Variants in FMNL2 observed in about 807,000 individuals in gnomAD.
FMNL2 encodes formin-like protein 2.
A neutral mutation model predicts 130.2 loss-of-function variants in FMNL2; 51 were observed. That is an observed-to-expected ratio of 0.39 (90% CI 0.31 to 0.49). The LOEUF (loss-of-function observed/expected upper bound fraction) is 0.49, where lower values mean the gene tolerates loss of function less well. FMNL2 is among the 20% of genes least tolerant of loss of function. The probability of loss-of-function intolerance (pLI) is 0.85; values close to 1 mark genes in which losing one functional copy is unlikely to be tolerated. For synonymous variants in FMNL2, 465 were observed against 467.1 expected, an observed-to-expected ratio of 1.00 and a Z score of 0.06; for missense variants, 977 against 1,316.2, an observed-to-expected ratio of 0.74 and a Z score of 3.99.
At chr2:152,461,323 T>C (rs1284469382) in intron 1 of FMNL2, among the ~76,000 whole-genome samples, 1 of 151,526 alleles carries the variant, frequency 6.6e-6, no homozygotes, top group Non-Finnish European at 1.5e-5. Context: ...TTCCAACATG[T>C]AATCAATATA....
In FMNL2 at chr2:152,647,829, C is replaced by T. The variant is rs1028884255; in HGVS notation, c.3203C>T (p.Ala1068Val). 4.3e-6 allele frequency: 7 copies of T among 1,613,756 alleles called. No homozygotes were observed. Among genetic ancestry groups the T allele is most frequent in the African/African-American group, 2.7e-5 (2 of 74,908 alleles). ...AACCAACCATACAGACGAGCCGATG[C>T]GGTGAGGAGAAGCGTCAGGCGGCGC... The part of the protein sequence containing the change: ...LRNQPYRRAD[A>V]VRRSVRRRFD... Residue 1068 changes from alanine to valine, a missense_variant, in exon 26 of 26, where the codon GCG becomes GTG. Ala to Val is a moderately conservative substitution (Grantham distance 64). This residue lies in a region of FMNL2 where 168 missense variants were observed against 168.8 expected (regional missense o/e 1.00). Coordinates refer to ENST00000288670, the MANE Select transcript of FMNL2 (RefSeq NM_052905.4).
chr2:152,562,947 C>G (rs966790638), intron 6 of FMNL2, among the ~76,000 whole-genome samples: 1 of 152,172 alleles, frequency 6.6e-6, no homozygotes. Context: ...AAGCTACCAC[C>G]TTAGTAAGGA....
chr2:152,508,974 A>C (rs75515530), intron 1 of FMNL2, among the ~76,000 whole-genome samples: 11,098 of 152,232 alleles, frequency 0.073, 648 homozygotes, highest in Admixed American at 0.21. Context: ...TTTGTCTGTA[A>C]ATGTAGGTGT....
In FMNL2 at chr2:152,618,898, A is replaced by G. The variant is rs1170165908; in HGVS notation, c.1367A>G (p.Lys456Arg). The stretch of plus-strand genomic sequence containing the variant: ...GTTCACACATTAAGAAAAATGGTCA[A>G]AGAAAAAGAAGAAGCAATTCAAAGA... ...TQVHTLRKMV[K>R]EKEEAIQRQS... is the part of the protein sequence containing the mutation. The change falls in exon 14 of 26, where the codon AAA becomes AGA. Residue 456 changes from lysine (K) to arginine (R), a missense_variant. Physicochemically the swap from Lys to Arg is conservative, Grantham distance 26 (BLOSUM62 2). Coordinates refer to ENST00000288670, the MANE Select transcript of FMNL2 (RefSeq NM_052905.4). 3 of 1,611,028 alleles carry G rather than the reference A, an allele frequency of 1.9e-6. No homozygotes were observed. The South Asian group carries it at 3.3e-5, about 18-fold the overall frequency.
chr2:152,485,215 G>A (rs181785548), intron 1 of FMNL2, among the ~76,000 whole-genome samples: 39 of 152,246 alleles, frequency 2.6e-4, no homozygotes, highest in Admixed American at 1.6e-3. Context: ...ATGCATGGCC[G>A]GGCACGGTGG....
At chr2:152,377,588 A>G (rs530950755) in intron 1 of FMNL2, among the ~76,000 whole-genome samples, 18 of 152,284 alleles carry the variant, frequency 1.2e-4, no homozygotes, top group African/African-American at 4.1e-4. Context: ...GCTAGTAGCT[A>G]CTCCATTGGA....
rs192291094 is a variant in FMNL2 at position 152,617,351 on chromosome 2, A to G, written c.1314+159A>G. Among the ~76,000 whole-genome samples, 38 of 152,364 alleles carry G rather than the reference A, an allele frequency of 2.5e-4. No individual in the cohort carries two copies. In the East Asian group the frequency reaches 7.1e-3, roughly 29 times the overall value. ...GGTGATGCTCAGTTGAAAACTACAC[A>G]TAGTCGGCGTTATGTATACACATGT... On this transcript the variant is annotated intron_variant, in intron 13 of 25. Transcript: ENST00000288670.
chr2:152,561,968 C>T (rs953683194), intron 6 of FMNL2, among the ~76,000 whole-genome samples: 5 of 152,134 alleles, frequency 3.3e-5, no homozygotes, highest in Admixed American at 6.5e-5. Flanking sequence ...TGGTGCTGAC[C>T]ACCTGTACTA....
intron 16 of FMNL2, 30 bp from the exon 17 acceptor site, chr2:152,626,495 A>G (rs547249466): frequency 6.7e-5 from 103 of 1,544,652 alleles, no homozygotes; most frequent in Non-Finnish European, 8.1e-5. Flanking sequence ...ATATAATCCA[A>G]TTTTCCATGG....
At position 152,643,738 on chromosome 2, in the gene FMNL2, A is replaced by T. The variant is rs1683301796; in HGVS notation, c.3169+2824A>T. ...ACATGTATGTATTCACATTGCTGTAACAGTCTGGGTGTGTTTGACAGCTGA... is the reference window on the plus strand; with the variant it reads ...ACATGTATGTATTCACATTGCTGTATCAGTCTGGGTGTGTTTGACAGCTGA... On this transcript the variant is annotated intron_variant, in intron 25 of 25. Coordinates refer to ENST00000288670, the MANE Select transcript of FMNL2 (RefSeq NM_052905.4). 31 of 985,336 alleles carry T rather than the reference A, an allele frequency of 3.1e-5. No homozygotes were observed. In the South Asian group the frequency reaches 1.4e-3, roughly 45 times the overall value. 61.0% of individuals were successfully genotyped at this position (985,336 alleles called of 1,614,324 possible).
At chr2:152,623,567 T>G (rs1034845693) in intron 15 of FMNL2, among the ~76,000 whole-genome samples, 8 of 152,140 alleles carry the variant, frequency 5.3e-5, no homozygotes, top group Admixed American at 3.9e-4. Flanking sequence ...ACTGTCTGTC[T>G]CAGTTAACGC....
chr2:152,559,015 A>G (rs777615343), intron 5 of FMNL2, among the ~76,000 whole-genome samples, 192 bp downstream of exon 5: 4 of 152,222 alleles, frequency 2.6e-5, no homozygotes, highest in Non-Finnish European at 5.9e-5. Flanking sequence ...TTAAGGCAGA[A>G]GTAAAACAGG....
chr2:152,375,871 C>CTATATATATA (rs1296121653), intron 1 of FMNL2, among the ~76,000 whole-genome samples: 16 of 114,596 alleles, frequency 1.4e-4, no homozygotes, highest in African/African-American at 2.9e-4. Flanking sequence ...CTCTCTCTCT[C>CTATATATATA]TCTCTCTATA....
chr2:152,557,077 AG>A (rs1695255269), intron 4 of FMNL2, among the ~76,000 whole-genome samples: 2 of 152,220 alleles, frequency 1.3e-5, no homozygotes, highest in Non-Finnish European at 2.9e-5. Flanking sequence ...GTTACAAAAA[AG>A]AAAAAATTCT....
At chr2:152,636,796 G>A (rs905677783) in intron 22 of FMNL2, among the ~76,000 whole-genome samples, 11 of 152,094 alleles carry the variant, frequency 7.2e-5, no homozygotes, top group African/African-American at 2.7e-4. Flanking sequence ...TTTCTAATCT[G>A]GGGCTCTTTA....
chr2:152,592,403 C>T (rs1367144171), intron 9 of FMNL2, among the ~76,000 whole-genome samples: 2 of 152,090 alleles, frequency 1.3e-5, no homozygotes, highest in East Asian at 1.9e-4. Context: ...AACATAAGCA[C>T]ATTTTTTATT....
intron 1 of FMNL2, among the ~76,000 whole-genome samples, chr2:152,499,122 A>G (rs113164571): frequency 1.3e-5 from 2 of 152,320 alleles, no homozygotes; most frequent in African/African-American, 4.8e-5. Context: ...TTGGTCAGCT[A>G]TGTTTTCTGT....
intron 1 of FMNL2, among the ~76,000 whole-genome samples, chr2:152,465,841 C>T (rs2105152012): frequency 6.6e-6 from 1 of 152,326 alleles, no homozygotes; most frequent in South Asian, 2.1e-4. Context: ...CCTAAAACTT[C>T]CTTTCTGTTT....
At chr2:152,593,860 AGTGTGTGTGTGTGTGTGTGTGTGT>A (rs70974873) in intron 9 of FMNL2, among the ~76,000 whole-genome samples, 1 of 113,294 alleles carries the variant, frequency 8.8e-6, no homozygotes. Context: ...AGAGAGAGAG[AGTGTGTGTGTGTGTGTGTGTGTGT>A]GTGTGTGTGT....
Sources: gnomAD v4.1 joint callset for allele counts (sites outside exome capture counted in the v4.1 genomes callset) on GRCh38, gnomAD v4.1.1 for gene constraint, gnomAD v4.1.1 regional missense constraint, MANE v1.5 for transcripts, NCBI Gene and HGNC (gene_info 2026-07-23, HGNC 2026-07-21) for gene names.